Variants in LCP2 observed in about 807,000 individuals in gnomAD.
LCP2 encodes the protein lymphocyte cytosolic protein 2, also known as 76 kDa tyrosine phosphoprotein.
A neutral mutation model predicts 74.5 loss-of-function variants in LCP2; 29 were observed. That is an observed-to-expected ratio of 0.39 (90% CI 0.29 to 0.53). LCP2 has a LOEUF of 0.53. LCP2 is among the 20% of genes least tolerant of loss of function. The pLI is 0.72. For missense variants in LCP2, 604 were observed against 634.6 expected (o/e 0.95, Z 0.52); for synonymous variants, 228 against 229.5 (o/e 0.99, Z 0.06).
intron 3 of LCP2, among the ~76,000 whole-genome samples, chr5:170,286,325 G>A (rs1209414890): frequency 6.6e-6 from 1 of 152,178 alleles, no homozygotes; most frequent in Non-Finnish European, 1.5e-5. Flanking sequence ...AAAGAGGCTG[G>A]ATTTTGTGAA....
intron 17 of LCP2, among the ~76,000 whole-genome samples, chr5:170,254,595 A>AT (rs1262922220): frequency 2.6e-5 from 4 of 151,648 alleles, no homozygotes; most frequent in South Asian, 2.1e-4. Flanking sequence ...CCCCATCCCC[A>AT]TTTTTTTTGC....
chr5:170,248,685 G>T lies in LCP2; in HGVS notation c.*12C>A. Reference sequence around the variant, plus strand: ...AGGCAGGAGGACGGTTCATTTGCTCGGCTATAACTTGCTATGGGTACCCTG... The same window carrying T: ...AGGCAGGAGGACGGTTCATTTGCTCTGCTATAACTTGCTATGGGTACCCTG... On this transcript the variant is annotated 3_prime_UTR_variant, in exon 21 of 21. Transcript: ENST00000046794. 1.3e-6 allele frequency: 2 copies of T among 1,573,210 alleles called. No homozygotes were observed. The highest frequency in any genetic ancestry group is 1.1e-5 in the South Asian group (1 of 89,450).
chr5:170,273,275 G>A (rs1761929299), intron 6 of LCP2, among the ~76,000 whole-genome samples: 2 of 152,318 alleles, frequency 1.3e-5, no homozygotes, highest in East Asian at 1.9e-4. Context: ...GAGGCTGCAT[G>A]GCAAGGATTC....
In LCP2 at chr5:170,267,087, T is replaced by C; in HGVS notation, c.622-12A>G. On this transcript the variant is annotated splice_polypyrimidine_tract_variant and intron_variant, in intron 8 of 20. Coordinates refer to ENST00000046794, the MANE Select transcript of LCP2 (RefSeq NM_005565.5). The stretch of plus-strand genomic sequence containing the variant: ...GGTGGGGGCAGTGGCTGCATAAAGA[T>C]CCAAACGTTAGGAAGCACTTCCAAT... The C allele has an allele frequency of 6.2e-7, 1 of 1,613,428 alleles. No homozygotes were observed. Among genetic ancestry groups the C allele is most frequent in the South Asian group, 1.1e-5 (1 of 91,048 alleles).
At chr5:170,269,556 C>T (rs923635661) in intron 7 of LCP2, among the ~76,000 whole-genome samples, 14 of 152,246 alleles carry the variant, frequency 9.2e-5, no homozygotes, top group South Asian at 2.1e-4. Context: ...AATGTTCTTC[C>T]CTTACCACAT....
At chr5:170,275,681 A>T in intron 4 of LCP2, 114 bp downstream of exon 4, 2 of 890,514 alleles carry the variant, frequency 2.2e-6, no homozygotes, top group Non-Finnish European at 3.6e-6. Flanking sequence ...GACCCCTGGG[A>T]TTCAGGGGAC....
intron 7 of LCP2, among the ~76,000 whole-genome samples, chr5:170,269,739 C>A (rs315748): frequency 0.5 from 76,470 of 152,016 alleles, 19,688 homozygotes; most frequent in East Asian, 0.82. Flanking sequence ...GCGTCACCTG[C>A]CAGACTGTCA....
In LCP2 at chr5:170,293,178, T is replaced by C. The variant is rs1470758366; in HGVS notation, c.141+132A>G. The C allele has an allele frequency of 1.2e-5, 10 of 830,762 alleles. No individual in the cohort carries two copies. In the Admixed American group the frequency reaches 2.3e-4, roughly 19 times the overall value. 51.5% of individuals were successfully genotyped at this position (830,762 alleles called of 1,614,324 possible). A position where few individuals can be genotyped will look rare whatever the true frequency, so the allele number is the denominator to read the frequency against. On this transcript the variant is annotated intron_variant, in intron 2 of 20. Transcript: ENST00000046794. ...TGAAAGGTAGTGAGAGAGGGGGCCC[T>C]ACCAAATTTCTGGAAAAAGCAAAGG...
chr5:170,269,780 T>C (rs1044224996), intron 7 of LCP2, among the ~76,000 whole-genome samples: 1 of 152,216 alleles, frequency 6.6e-6, no homozygotes, highest in Admixed American at 6.5e-5. Context: ...TTATTCACTC[T>C]GTATCTTAAT....
At chr5:170,272,598 T>G (rs1410091499) in intron 6 of LCP2, among the ~76,000 whole-genome samples, 6 of 66,832 alleles carry the variant, frequency 9.0e-5, no homozygotes, top group African/African-American at 8.3e-4. Flanking sequence ...AAATATTTTC[T>G]TTTTTTTTTT....
At chr5:170,253,927 A>G (rs1335858405) in intron 17 of LCP2, among the ~76,000 whole-genome samples, 4 of 152,196 alleles carry the variant, frequency 2.6e-5, no homozygotes, top group Non-Finnish European at 4.4e-5. Context: ...TAATCTCAGG[A>G]AAGGTTTAGT....
chr5:170,270,373 G>T lies in LCP2; in HGVS notation c.523+346C>A, dbSNP rs1581065591. The T allele has an allele frequency of 1.8e-5, 4 of 224,858 alleles. No individual in the cohort carries two copies. The East Asian group carries it at 4.1e-4, about 23-fold the overall frequency. The allele number at this position is 224,858 out of a possible 1,614,324, so 13.9% of individuals were successfully genotyped here. ...GGAGGAACAGGAAAGTACTCTTGGA[G>T]TACCTGAGTAAACTGCAGAATGAGT... is the stretch of plus-strand genomic sequence containing the variant. On this transcript the variant is annotated intron_variant, in intron 7 of 20. Coordinates refer to ENST00000046794, the MANE Select transcript of LCP2 (RefSeq NM_005565.5).
intron 10 of LCP2, among the ~76,000 whole-genome samples, chr5:170,264,736 C>T (rs1761716332): frequency 6.6e-6 from 1 of 151,984 alleles, no homozygotes; most frequent in Non-Finnish European, 1.5e-5. Context: ...GAGTTTGAGG[C>T]CGTAACGAGC....
chr5:170,291,121 AAGGGGAG>A (rs1396968749), intron 2 of LCP2, among the ~76,000 whole-genome samples: 1 of 117,534 alleles, frequency 8.5e-6, no homozygotes, highest in African/African-American at 3.0e-5. Flanking sequence ...GAAAAGAGGG[AAGGGGAG>A]AGGGGAGGAC....
rs770217056 is a variant in LCP2, at chr5:170,252,457, C to T, written c.1300G>A (p.Ala434Thr). Residue 434 changes from alanine (A) to threonine (T), a missense_variant, in exon 19 of 21, where the codon GCT (alanine) becomes ACT (threonine). Coordinates refer to ENST00000046794, the MANE Select transcript of LCP2 (RefSeq NM_005565.5). The part of the protein sequence containing the change: ...VSYITRPEAE[A>T]ALRKINQDGT... The stretch of plus-strand genomic sequence containing the variant: ...ACCTGGTTTATCTTTCTAAGAGCAG[C>T]TTCTGCCTCTGGTCGGGTAATATAA... 1.9e-6 allele frequency: 3 copies of T among 1,584,966 alleles called. No homozygotes were observed. Among genetic ancestry groups the T allele is most frequent in the Non-Finnish European group, 2.6e-6 (3 of 1,156,950 alleles).
intron 18 of LCP2, 30 bp downstream of exon 18, chr5:170,253,085 GCAAA>G (rs1299781799): frequency 3.6e-6 from 5 of 1,383,366 alleles, no homozygotes; most frequent in Non-Finnish European, 5.1e-6. Context: ...CAGGGAAAAG[GCAAA>G]CAAACAAAAA....
Position 170,249,380 on chromosome 5 carries a change from A to C in LCP2, c.1480-561T>G, listed in dbSNP as rs112648522. ...TGCGTGTGTATATATATATATATAT[A>C]TCTACATATCTATATATATATATAT... On this transcript the variant is annotated intron_variant, in intron 20 of 20. Coordinates refer to ENST00000046794, the MANE Select transcript of LCP2 (RefSeq NM_005565.5). Among the ~76,000 whole-genome samples, 75 of 148,002 alleles carry C rather than the reference A, an allele frequency of 5.1e-4. 2 individuals carry two copies. The highest frequency in any genetic ancestry group is 1.3e-3 in the African/African-American group (53 of 40,224).
intron 3 of LCP2, among the ~76,000 whole-genome samples, chr5:170,282,127 G>C (rs986628999): frequency 6.6e-6 from 1 of 152,158 alleles, no homozygotes; most frequent in Admixed American, 6.5e-5. Context: ...GAGAGTGACT[G>C]CATTTTCAGG....
chr5:170,258,082 A>G lies in LCP2; in HGVS notation c.1055T>C (p.Met352Thr), dbSNP rs774368844. 5.6e-6 allele frequency: 9 copies of G among 1,613,982 alleles called. No individual in the cohort carries two copies. Among genetic ancestry groups the G allele is most frequent in the Non-Finnish European group, 7.6e-6 (9 of 1,179,834 alleles). Residue 352 changes from methionine (M) to threonine (T), a missense_variant, in exon 16 of 21, where the codon ATG becomes ACG. By Grantham distance (81) the Met-to-Thr change is moderately conservative (BLOSUM62 -1). Coordinates refer to ENST00000046794, the MANE Select transcript of LCP2 (RefSeq NM_005565.5). ...CATGTGAGAGGATGGGAGAGGGTTC[A>G]TGGGACTTGGCTTAGTAGATCTTGA... ...FPSRSTKPSP[M>T]NPLPSSHMPG...
Sources: allele counts gnomAD v4.1 joint callset (sites outside exome capture counted in the v4.1 genomes callset), GRCh38; gene constraint gnomAD v4.1.1; transcripts MANE v1.5; gene names NCBI Gene and HGNC (gene_info 2026-07-23, HGNC 2026-07-21).